Variants in GPC5 observed in about 807,000 individuals in gnomAD.
GPC5 encodes the protein glypican-5.
Under a neutral mutation model 53.9 loss-of-function variants are expected in GPC5, and 47 were observed. That is an observed-to-expected ratio of 0.87 (90% CI 0.69 to 1.11). The LOEUF (loss-of-function observed/expected upper bound fraction) is 1.11. GPC5 is among the 50% of genes most tolerant of loss of function. The pLI, the probability that GPC5 is intolerant of heterozygous loss-of-function variation, is 0.00. For missense variants in GPC5, 748 were observed against 713.1 expected, an observed-to-expected ratio of 1.05 and a Z score of -0.56; for synonymous variants, 286 against 263.3, an observed-to-expected ratio of 1.09 and a Z score of -0.84.
At chr13:92,793,651 A>T (rs965735430) in intron 7 of GPC5, among the ~76,000 whole-genome samples, 3 of 152,160 alleles carry the variant, frequency 2.0e-5, no homozygotes, top group Non-Finnish European at 4.4e-5. Context: ...ATTAATAAGG[A>T]AGAAAAGACA....
intron 6 of GPC5, among the ~76,000 whole-genome samples, chr13:91,973,038 C>G (rs1269008792): frequency 1.3e-5 from 2 of 152,184 alleles, no homozygotes; most frequent in Non-Finnish European, 2.9e-5. Flanking sequence ...GGGGAGTTCT[C>G]CTGGATAATA....
chr13:91,928,873 A>C (rs1362595687), intron 6 of GPC5, among the ~76,000 whole-genome samples: 3 of 152,184 alleles, frequency 2.0e-5, no homozygotes, highest in African/African-American at 7.2e-5. Flanking sequence ...AAAGATGTGA[A>C]GGTGAAGAGA....
chr13:92,646,434 C>A (rs1241004188), intron 7 of GPC5, among the ~76,000 whole-genome samples: 1 of 151,972 alleles, frequency 6.6e-6, no homozygotes, highest in Non-Finnish European at 1.5e-5. Flanking sequence ...TATAGTGTGA[C>A]TTTAAATCAA....
At chr13:91,897,122 T>C (rs2039450467) in intron 5 of GPC5, among the ~76,000 whole-genome samples, 1 of 152,110 alleles carries the variant, frequency 6.6e-6, no homozygotes, top group Admixed American at 6.6e-5. Context: ...GACCATAAAA[T>C]GGAACTGTTG....
chr13:92,722,108 G>C (rs937790639), intron 7 of GPC5, among the ~76,000 whole-genome samples: 2 of 151,870 alleles, frequency 1.3e-5, no homozygotes, highest in Non-Finnish European at 2.9e-5. Context: ...AAATAACAAT[G>C]CATTCTTCCA....
intron 7 of GPC5, among the ~76,000 whole-genome samples, chr13:92,225,866 G>A (rs574729669): frequency 9.9e-5 from 15 of 151,834 alleles, no homozygotes; most frequent in Non-Finnish European, 1.8e-4. Context: ...TTAGCTGAAC[G>A]TCAAGATCCT....
At chr13:92,386,603 A>G (rs1874737568) in intron 7 of GPC5, among the ~76,000 whole-genome samples, 1 of 152,012 alleles carries the variant, frequency 6.6e-6, no homozygotes, top group East Asian at 1.9e-4. Context: ...TGTTGTAATC[A>G]CTGAATGGGA....
intron 7 of GPC5, among the ~76,000 whole-genome samples, chr13:92,487,220 T>C (rs1367788029): frequency 6.6e-6 from 1 of 152,132 alleles, no homozygotes; most frequent in Non-Finnish European, 1.5e-5. Flanking sequence ...AGTTTTATCA[T>C]CTCCATGCAG....
chr13:92,631,144 TTTACA>T lies in GPC5; in HGVS notation c.1562-235134_1562-235130del, dbSNP rs543478555. On this transcript the variant is annotated intron_variant, in intron 7 of 7. Transcript: ENST00000377067. ...ATATTTTTATATAAAAATGAAATACTTTACATTAAAATCGTTGAGATAATTAAATG... is the reference window on the plus strand; with the variant it reads ...ATATTTTTATATAAAAATGAAATACTTTAAAATCGTTGAGATAATTAAATG... Among the ~76,000 whole-genome samples the T allele has an allele frequency of 1.5e-3, 224 of 152,164 alleles. 2 individuals are homozygous for T. Among genetic ancestry groups the T allele is most frequent in the African/African-American group, 5.2e-3 (214 of 41,546 alleles).
intron 6 of GPC5, among the ~76,000 whole-genome samples, chr13:92,137,487 A>G (rs2138971934): frequency 6.6e-6 from 1 of 152,332 alleles, no homozygotes; most frequent in Admixed American, 6.5e-5. Context: ...GTCAGCTCCT[A>G]CTGGTTATAA....
chr13:92,086,714 A>C (rs557702613), intron 6 of GPC5, among the ~76,000 whole-genome samples: 1 of 150,888 alleles, frequency 6.6e-6, no homozygotes, highest in East Asian at 2.0e-4. Context: ...GCTGGAGTGC[A>C]GTGGAGCAAT....
intron 5 of GPC5, among the ~76,000 whole-genome samples, chr13:91,811,739 C>A (rs2038314781): frequency 1.3e-5 from 2 of 152,134 alleles, no homozygotes; most frequent in Non-Finnish European, 2.9e-5. Flanking sequence ...ATGGGCAAAA[C>A]AAAGTCATTA....
At position 91,968,361 on chromosome 13, in the gene GPC5, T is replaced by G. The variant is rs532022155; in HGVS notation, c.1401+60304T>G. 3.9e-5 allele frequency among the ~76,000 whole-genome samples: 6 copies of G among 152,302 alleles called. No individual in the cohort carries two copies. The South Asian group carries it at 1.2e-3, about 32-fold the overall frequency. Reference sequence around the variant, plus strand: ...CTAAATATTGATGGTATTGTCTGAGTATAACTCTTTAACACACTATTTAAA... The same window carrying G: ...CTAAATATTGATGGTATTGTCTGAGGATAACTCTTTAACACACTATTTAAA... On this transcript the variant is annotated intron_variant, in intron 6 of 7. Transcript: ENST00000377067.
intron 6 of GPC5, among the ~76,000 whole-genome samples, chr13:92,056,900 A>G (rs1233080897): frequency 2.0e-5 from 3 of 152,206 alleles, no homozygotes; most frequent in African/African-American, 7.2e-5. Flanking sequence ...ATCATAAAAC[A>G]GTCTCTAGTT....
intron 7 of GPC5, among the ~76,000 whole-genome samples, chr13:92,594,432 A>C (rs1883804675): frequency 6.6e-6 from 1 of 152,178 alleles, no homozygotes; most frequent in African/African-American, 2.4e-5. Context: ...ATGAATGGTA[A>C]GACAGTCCTT....
intron 1 of GPC5, among the ~76,000 whole-genome samples, chr13:91,420,460 A>AG (rs1878536015): frequency 6.6e-6 from 1 of 152,092 alleles, no homozygotes. Flanking sequence ...CAGCATGTCA[A>AG]GCTGTTTATT....
intron 5 of GPC5, among the ~76,000 whole-genome samples, chr13:91,822,666 G>T (rs890651307): frequency 1.3e-5 from 2 of 151,988 alleles, no homozygotes; most frequent in African/African-American, 4.8e-5. Flanking sequence ...AGTGCATAAG[G>T]TTCCTCCCAT....
At chr13:92,569,786 A>G (rs1261674832) in intron 7 of GPC5, among the ~76,000 whole-genome samples, 1 of 152,174 alleles carries the variant, frequency 6.6e-6, no homozygotes, top group Non-Finnish European at 1.5e-5. Flanking sequence ...AAAAATTCTA[A>G]GACACATTAG....
intron 4 of GPC5, among the ~76,000 whole-genome samples, chr13:91,746,471 A>T (rs566178895): frequency 9.2e-5 from 14 of 152,340 alleles, no homozygotes; most frequent in Non-Finnish European, 1.6e-4. Flanking sequence ...CAAAATTAGA[A>T]ATAGTCTCTT....
Sources: allele counts gnomAD v4.1 joint callset (sites outside exome capture counted in the v4.1 genomes callset), GRCh38; gene constraint gnomAD v4.1.1; transcripts MANE v1.5; gene names NCBI Gene and HGNC (gene_info 2026-07-23, HGNC 2026-07-21).